Variants in UCMA observed in about 807,000 individuals in gnomAD.
UCMA encodes the protein upper zone of growth plate and cartilage matrix associated.
In UCMA, 21 loss-of-function variants were observed where a neutral mutation model predicts 21.8. The ratio of observed to expected loss-of-function variants is 0.97; its 90% CI spans 0.68 to 1.39. The LOEUF (loss-of-function observed/expected upper bound fraction) is 1.39. Ranked by LOEUF, UCMA falls within the 40% of genes most tolerant of loss-of-function variation. The pLI is 0.00. For missense variants in UCMA, 193 were observed against 178.9 expected (o/e 1.08, Z -0.45); for synonymous variants, 76 against 67.9 (o/e 1.12, Z -0.58).
At chr10:13,229,584 T>C (rs767269906) in intron 4 of UCMA, 27 bp downstream of exon 4, 3 of 1,602,224 alleles carry the variant, frequency 1.9e-6, no homozygotes, top group South Asian at 1.1e-5. Context: ...TCCACCTCCC[T>C]GAAGACACTG....
At position 13,234,311 on chromosome 10, in the gene UCMA, T is replaced by C. The variant is rs1293113526; in HGVS notation, c.-53A>G. 1.3e-6 allele frequency: 2 copies of C among 1,591,502 alleles called. No individual in the cohort carries two copies. Among genetic ancestry groups the C allele is most frequent in the Middle Eastern group, 2.0e-4 (1 of 4,946 alleles). ...GACCCACAAGGCAGACCAGGCGTCCTGCACCCTTTGGGTCCCCACTTCTGA... is the reference window on the plus strand; with the variant it reads ...GACCCACAAGGCAGACCAGGCGTCCCGCACCCTTTGGGTCCCCACTTCTGA... On this transcript the variant is annotated 5_prime_UTR_variant, in exon 1 of 5. Coordinates refer to ENST00000378681, the MANE Select transcript of UCMA (RefSeq NM_145314.3).
In UCMA at chr10:13,233,775, A is replaced by G; in HGVS notation, c.84T>C (p.Ser28=). 1.2e-6 allele frequency: 2 copies of G among 1,613,936 alleles called. No homozygotes were observed. The highest frequency in any genetic ancestry group is 1.7e-6 in the Non-Finnish European group (2 of 1,180,002). ...LSMLREGTSV[S]VGTMQMAGEE... is the part of the protein sequence containing the mutation. ...CTCCCGCCATCTGCATGGTGCCCAC[A>G]GATACACTGGTTCCCTCTCTCAGCA... is the stretch of plus-strand genomic sequence containing the variant. The change falls in exon 2 of 5, where the codon TCT becomes TCC. Residue 28 remains serine, a synonymous_variant. Transcript: ENST00000378681.
chr10:13,229,981 G>T (rs535673436), intron 3 of UCMA, among the ~76,000 whole-genome samples: 1 of 152,270 alleles, frequency 6.6e-6, no homozygotes, highest in South Asian at 2.1e-4. Context: ...AAAGTTGGTG[G>T]CATATCCAAG....
chr10:13,232,371 C>CA (rs34527224), intron 3 of UCMA, among the ~76,000 whole-genome samples: 4,877 of 69,386 alleles, frequency 0.07, 191 homozygotes, highest in Middle Eastern at 0.11. Flanking sequence ...GACTCCATCT[C>CA]AAAAAAAAAA....
intron 3 of UCMA, 105 bp downstream of exon 3, chr10:13,233,433 G>T: frequency 1.1e-6 from 1 of 885,492 alleles, no homozygotes; most frequent in Non-Finnish European, 1.8e-6. Context: ...AGCCCTTCGT[G>T]CCCAGCTGCA....
chr10:13,233,753 C>T lies in UCMA; in HGVS notation c.106G>A (p.Gly36Arg), dbSNP rs2131608966. 1 of 1,614,028 alleles carries T rather than the reference C, an allele frequency of 6.2e-7. No individual in the cohort carries two copies. The highest frequency in any genetic ancestry group is 1.3e-5 in the African/African-American group (1 of 74,974). The change falls in exon 2 of 5, where the codon GGA becomes AGA. Residue 36 changes from glycine to arginine, a missense_variant. Transcript: ENST00000378681. ...SVSVGTMQMAGEEASEDAKQK... is the reference protein window; with the variant it reads ...SVSVGTMQMAREEASEDAKQK... ...CACTCACCTTCACTCGCCTCTTCTCCCGCCATCTGCATGGTGCCCACAGAT... is the reference window on the plus strand; with the variant it reads ...CACTCACCTTCACTCGCCTCTTCTCTCGCCATCTGCATGGTGCCCACAGAT...
intron 4 of UCMA, among the ~76,000 whole-genome samples, chr10:13,223,875 C>CA (rs112197018): frequency 0.36 from 51,798 of 144,166 alleles, 8,965 homozygotes; most frequent in Admixed American, 0.41. Context: ...TTTACAGAGA[C>CA]AAAAAAAAAA....
chr10:13,227,428 A>G (rs1289138805), intron 4 of UCMA, among the ~76,000 whole-genome samples: 1 of 152,232 alleles, frequency 6.6e-6, no homozygotes, highest in East Asian at 1.9e-4. Flanking sequence ...GACCAAATAA[A>G]TAAACAGGGC....
rs1374667452 is a variant in UCMA at position 13,234,358 on chromosome 10, G to A, written c.-100C>T. 7.9e-7 allele frequency: 1 copy of A among 1,264,252 alleles called. No homozygotes were observed. Among genetic ancestry groups the A allele is most frequent in the South Asian group, 1.5e-5 (1 of 68,272 alleles). The allele number at this position is 1,264,252 out of a possible 1,614,324, so 78.3% of individuals were successfully genotyped here. A position where few individuals can be genotyped will look rare whatever the true frequency, so the allele number is the denominator to read the frequency against. On this transcript the variant is annotated 5_prime_UTR_variant, in exon 1 of 5. Coordinates refer to ENST00000378681, the MANE Select transcript of UCMA (RefSeq NM_145314.3). ...CTGAGGCAGGCAGCCCAGGCGAGAG[G>A]AAGGAAGGCGGGGGAGGGAAGAGAG...
At chr10:13,228,436 A>C (rs550488934) in intron 4 of UCMA, among the ~76,000 whole-genome samples, 1 of 152,170 alleles carries the variant, frequency 6.6e-6, no homozygotes, top group Admixed American at 6.5e-5. Context: ...CAAGAAAACC[A>C]TATAAAAATT....
At chr10:13,222,980 T>A (rs1834777769) in intron 4 of UCMA, among the ~76,000 whole-genome samples, 1 of 151,788 alleles carries the variant, frequency 6.6e-6, no homozygotes, top group African/African-American at 2.4e-5. Flanking sequence ...ATCCCAGCAC[T>A]TTGGGAGGCT....
chr10:13,228,168 A>T (rs939369626), intron 4 of UCMA, among the ~76,000 whole-genome samples: 2 of 151,202 alleles, frequency 1.3e-5, no homozygotes, highest in Non-Finnish European at 2.9e-5. Context: ...CAAGCAATTC[A>T]CCTGCCTCAG....
intron 4 of UCMA, among the ~76,000 whole-genome samples, chr10:13,224,061 C>A (rs1325611725): frequency 6.6e-6 from 1 of 152,170 alleles, no homozygotes; most frequent in Non-Finnish European, 1.5e-5. Context: ...TGGTGGCTCA[C>A]ACCTGTAATC....
intron 3 of UCMA, among the ~76,000 whole-genome samples, chr10:13,232,756 G>A (rs1834915392): frequency 6.6e-6 from 1 of 152,092 alleles, no homozygotes; most frequent in African/African-American, 2.4e-5. Flanking sequence ...AAAGACTCAA[G>A]CCAGAGACTC....
At chr10:13,230,136 C>G (rs138615675) in intron 3 of UCMA, among the ~76,000 whole-genome samples, 260 of 152,212 alleles carry the variant, frequency 1.7e-3, no homozygotes, top group African/African-American at 5.9e-3. Flanking sequence ...ATTAAAAAGC[C>G]GAATAAGAAA....
chr10:13,224,405 GAGAAAGAAAA>G (rs757713544), intron 4 of UCMA, among the ~76,000 whole-genome samples: 69 of 151,776 alleles, frequency 4.5e-4, no homozygotes, highest in Middle Eastern at 3.4e-3. Flanking sequence ...GAGAAAAAAA[GAGAAAGAAAA>G]AGAAAGGAAA....
rs1588488365 is a variant in UCMA, at chr10:13,224,412, A to G, written c.320-2212T>C. 3.3e-5 allele frequency among the ~76,000 whole-genome samples: 5 copies of G among 152,066 alleles called. 2 individuals are homozygous for G. Among genetic ancestry groups the G allele is most frequent in the African/African-American group, 1.2e-4 (5 of 41,376 alleles). On this transcript the variant is annotated intron_variant, in intron 4 of 4. Coordinates refer to ENST00000378681, the MANE Select transcript of UCMA (RefSeq NM_145314.3). Reference sequence around the variant, plus strand: ...GAAAGAAAGAGAAAAAAAGAGAAAGAAAAAGAAAGGAAAAGGAAGAAAGAA... The same window carrying G: ...GAAAGAAAGAGAAAAAAAGAGAAAGGAAAAGAAAGGAAAAGGAAGAAAGAA...
intron 4 of UCMA, among the ~76,000 whole-genome samples, chr10:13,225,616 A>T (rs1013946765): frequency 3.4e-5 from 5 of 146,126 alleles, no homozygotes; most frequent in Non-Finnish European, 6.0e-5. Flanking sequence ...AGGAGGTTTC[A>T]TTGAGCCGAG....
chr10:13,228,541 G>C (rs1834853824), intron 4 of UCMA, among the ~76,000 whole-genome samples: 1 of 152,200 alleles, frequency 6.6e-6, no homozygotes, highest in Non-Finnish European at 1.5e-5. Context: ...AAGGCAAGCT[G>C]TTTTCTGAGT....
Sources: allele counts gnomAD v4.1 joint callset (sites outside exome capture counted in the v4.1 genomes callset), GRCh38; gene constraint gnomAD v4.1.1; transcripts MANE v1.5; gene names NCBI Gene and HGNC (gene_info 2026-07-23, HGNC 2026-07-21).